The following ABLIM1 variants were observed in gnomAD, a reference collection of about 807,000 sequenced individuals.
ABLIM1 encodes actin-binding LIM protein 1.
ABLIM1 carries 40 observed loss-of-function variants against 107.0 expected under a neutral mutation model. That is an observed-to-expected ratio of 0.37 (90% CI 0.29 to 0.49). ABLIM1 has a LOEUF of 0.49. Among genes scored for constraint, ABLIM1 ranks in the 20% least tolerant of loss-of-function variants. ABLIM1 has a pLI of 0.97. For missense variants in ABLIM1, 857 were observed against 1,008.5 expected (o/e 0.85, Z 2.04); for synonymous variants, 357 against 357.3 (o/e 1.00, Z 0.01).
chr10:114,644,308 T>TATATAA (rs2078905082), intron 1 of ABLIM1, among the ~76,000 whole-genome samples: 1 of 56,084 alleles, frequency 1.8e-5, no homozygotes, highest in Admixed American at 2.0e-4. Context: ...AAAAAAAAAA[T>TATATAA]ATATATATAT....
Position 114,571,170 on chromosome 10 carries a change from A to G in ABLIM1, c.673+127T>C, listed in dbSNP as rs1244768872. The G allele has an allele frequency of 3.4e-5, 25 of 745,808 alleles. No homozygotes were observed. The East Asian group carries it at 6.3e-4, about 19-fold the overall frequency. The allele number at this position is 745,808 out of a possible 1,614,324, so 46.2% of individuals were successfully genotyped here. A position where few individuals can be genotyped will look rare whatever the true frequency, so the allele number is the denominator to read the frequency against. ...CCATTTTAATGTCATCTTTGGAGAA[A>G]TATCTATTCAAGTAGATAGATGACT... On this transcript the variant is annotated intron_variant, in intron 4 of 22. Coordinates refer to ENST00000533213, the MANE Select transcript of ABLIM1 (RefSeq NM_002313.7).
At chr10:114,730,560 A>G (rs558594232) in intron 1 of ABLIM1, among the ~76,000 whole-genome samples, 4 of 152,262 alleles carry the variant, frequency 2.6e-5, no homozygotes, top group Non-Finnish European at 4.4e-5. Flanking sequence ...TTCATAGCCA[A>G]CCAATGGCAA....
intron 1 of ABLIM1, among the ~76,000 whole-genome samples, chr10:114,644,209 A>AGG (rs1370560689): frequency 7.8e-6 from 1 of 127,420 alleles, no homozygotes; most frequent in Non-Finnish European, 1.6e-5. Flanking sequence ...TGAACCCGGG[A>AGG]GGCGGAGCTT....
At chr10:114,759,944 A>G (rs375058738) in intron 1 of ABLIM1, among the ~76,000 whole-genome samples, 1 of 152,200 alleles carries the variant, frequency 6.6e-6, no homozygotes, top group Admixed American at 6.5e-5. Flanking sequence ...TATATACTTA[A>G]ATGTGAGCCA....
At chr10:114,521,529 A>G (rs1265920399) in intron 6 of ABLIM1, among the ~76,000 whole-genome samples, 2 of 152,218 alleles carry the variant, frequency 1.3e-5, no homozygotes, top group Non-Finnish European at 1.5e-5. Context: ...TGTAATGTAC[A>G]AAGTGAGGTG....
At chr10:114,650,090 C>T (rs1050127369) in intron 1 of ABLIM1, among the ~76,000 whole-genome samples, 2 of 152,130 alleles carry the variant, frequency 1.3e-5, no homozygotes, top group Admixed American at 6.5e-5. Context: ...CTCCTGACCT[C>T]GTGATTCACC....
chr10:114,721,301 C>A lies in ABLIM1; in HGVS notation c.-213+46760G>T, dbSNP rs1002470064. 7.9e-5 allele frequency among the ~76,000 whole-genome samples: 12 copies of A among 152,096 alleles called. 1 individual carries two copies. The highest frequency in any genetic ancestry group is 1.6e-4 in the Non-Finnish European group (11 of 68,026). On this transcript the variant is annotated intron_variant, in intron 1 of 15. Coordinates refer to the ABLIM1 transcript ENST00000651092. The stretch of plus-strand genomic sequence containing the variant: ...AGGCAGCACAAGGAAATCTTGGCCT[C>A]AGGATTTCACAGCTCGTGGGTGATG...
intron 12 of ABLIM1, among the ~76,000 whole-genome samples, chr10:114,461,993 CAT>C (rs1443255057): frequency 6.6e-6 from 1 of 152,058 alleles, no homozygotes; most frequent in African/African-American, 2.4e-5. Flanking sequence ...ATTTTCAAAA[CAT>C]AGAGAATGCT....
intron 6 of ABLIM1, among the ~76,000 whole-genome samples, chr10:114,542,473 A>T (rs2066804388): frequency 6.6e-6 from 1 of 151,368 alleles, no homozygotes; most frequent in African/African-American, 2.4e-5. Context: ...ATGATGATGA[A>T]GAAGGAAGAA....
At chr10:114,514,146 G>A (rs748372646) in intron 6 of ABLIM1, among the ~76,000 whole-genome samples, 2 of 152,044 alleles carry the variant, frequency 1.3e-5, no homozygotes, top group South Asian at 2.1e-4. Flanking sequence ...AAATGAGGCC[G>A]GGTGCAGTGG....
intron 12 of ABLIM1, among the ~76,000 whole-genome samples, chr10:114,456,345 A>G (rs900110948): frequency 3.9e-5 from 6 of 152,216 alleles, no homozygotes; most frequent in Non-Finnish European, 8.8e-5. Context: ...GACAACTCCA[A>G]TATAAATGTT....
At chr10:114,550,546 C>T (rs2067940230) in intron 4 of ABLIM1, among the ~76,000 whole-genome samples, 3 of 152,114 alleles carry the variant, frequency 2.0e-5, no homozygotes, top group Admixed American at 6.5e-5. Context: ...GATGAACTGA[C>T]ACTGACACAT....
At chr10:114,656,269 C>CAAAAAA (rs71007486) in intron 1 of ABLIM1, among the ~76,000 whole-genome samples, 6 of 63,570 alleles carry the variant, frequency 9.4e-5, no homozygotes, top group Admixed American at 2.0e-4. Flanking sequence ...AACTCCGTCT[C>CAAAAAA]AAAAAAAAAA....
intron 1 of ABLIM1, among the ~76,000 whole-genome samples, chr10:114,700,307 G>T (rs1006695491): frequency 2.6e-5 from 4 of 152,124 alleles, no homozygotes; most frequent in Admixed American, 2.6e-4. Context: ...AATTAGTAAA[G>T]ATATATATCA....
intron 12 of ABLIM1, among the ~76,000 whole-genome samples, chr10:114,453,898 A>T (rs977341109): frequency 6.6e-5 from 10 of 152,138 alleles, no homozygotes; most frequent in Admixed American, 5.9e-4. Context: ...AATCACTCTC[A>T]AGCATGATGG....
chr10:114,787,001 G>C, the ABLIM1 span, among the ~76,000 whole-genome samples: 1 of 150,608 alleles, frequency 6.6e-6, no homozygotes, highest in African/African-American at 2.4e-5. Context: ...GCCCAGTCTG[G>C]AAAGTGAGGA....
chr10:114,439,424 A>C (rs1247113870), intron 20 of ABLIM1, among the ~76,000 whole-genome samples, 174 bp from the exon 21 acceptor site: 1 of 152,256 alleles, frequency 6.6e-6, no homozygotes, highest in Non-Finnish European at 1.5e-5. Context: ...TAGGAACAGG[A>C]ATACAGCTCT....
intron 12 of ABLIM1, among the ~76,000 whole-genome samples, chr10:114,458,795 G>A (rs2063313607): frequency 6.6e-6 from 1 of 152,190 alleles, no homozygotes; most frequent in African/African-American, 2.4e-5. Context: ...GTCATGTCTA[G>A]CAGTATTTCA....
At chr10:114,625,177 G>T (rs2077710001) in intron 1 of ABLIM1, among the ~76,000 whole-genome samples, 1 of 152,174 alleles carries the variant, frequency 6.6e-6, no homozygotes, top group South Asian at 2.1e-4. Context: ...TAGGGGTGAG[G>T]CATTAAACTT....
Sources: allele counts gnomAD v4.1 joint callset (sites outside exome capture counted in the v4.1 genomes callset), GRCh38; gene constraint gnomAD v4.1.1; transcripts MANE v1.5; gene names NCBI Gene and HGNC (gene_info 2026-07-23, HGNC 2026-07-21).